The following PPAT variants were observed in gnomAD, a reference collection of about 807,000 sequenced individuals.
PPAT encodes the protein phosphoribosyl pyrophosphate amidotransferase.
Under a neutral mutation model 60.2 loss-of-function variants are expected in PPAT, and 20 were observed. That is an observed-to-expected ratio of 0.33 (90% confidence interval 0.23 to 0.48). PPAT has a LOEUF of 0.48. Among genes scored for constraint, PPAT ranks in the 20% least tolerant of loss-of-function variants. PPAT has a pLI of 0.99. For missense variants in PPAT, 349 were observed against 629.6 expected (o/e 0.55, Z 4.77); for synonymous variants, 194 against 215.1 (o/e 0.90, Z 0.86).
chr4:56,407,981 T>A (rs1301517005), intron 1 of PPAT: 1 of 341,262 alleles, frequency 2.9e-6, no homozygotes, highest in African/African-American at 2.1e-5. Context: ...GTTGTAAAAA[T>A]AAATAATTTA....
intron 1 of PPAT, among the ~76,000 whole-genome samples, chr4:56,411,742 CAA>C (rs1227975086): frequency 1.3e-5 from 2 of 152,070 alleles, no homozygotes; most frequent in Non-Finnish European, 2.9e-5. Flanking sequence ...TGCGAAACCT[CAA>C]AAAGGACAGA....
At chr4:56,434,380 T>C (rs1717781071) in intron 1 of PPAT, among the ~76,000 whole-genome samples, 2 of 152,266 alleles carry the variant, frequency 1.3e-5, no homozygotes, top group Non-Finnish European at 2.9e-5. Context: ...AACTGTAGTG[T>C]AAGTTGTTAC....
chr4:56,401,439 G>T lies in PPAT; in HGVS notation c.777C>A (p.Ser259=). 1 of 1,604,674 alleles carries T rather than the reference G, an allele frequency of 6.2e-7. No homozygotes were observed. Among genetic ancestry groups the T allele is most frequent in the Non-Finnish European group, 8.5e-7 (1 of 1,174,334 alleles). ...TATCAAGAGTTTGGACATTGTGTCT[G>T]GATATTTCCACAATTTCTCCAGGCA... ...EVLPGEIVEI[S]RHNVQTLDII... Residue 259 remains serine (S), a synonymous_variant, in exon 7 of 11, where the codon TCC becomes TCA. Transcript: ENST00000264220.
rs1223623493 is a variant in PPAT at position 56,435,586 on chromosome 4, T to C, written c.-109A>G. Reference sequence around the variant, plus strand: ...TCAGAAGCTCGCGCTCGCGACAGGCTCTTCCTTCCCGAGGGTGGCCCCAGC... The same window carrying C: ...TCAGAAGCTCGCGCTCGCGACAGGCCCTTCCTTCCCGAGGGTGGCCCCAGC... On this transcript the variant is annotated 5_prime_UTR_variant, in exon 1 of 11. Transcript: ENST00000264220. 8 of 1,568,780 alleles carry C rather than the reference T, an allele frequency of 5.1e-6. No homozygotes were observed. The highest frequency in any genetic ancestry group is 2.3e-4 in the Middle Eastern group (1 of 4,284).
chr4:56,433,800 T>C (rs111915669), intron 1 of PPAT, among the ~76,000 whole-genome samples: 12,646 of 152,010 alleles, frequency 0.083, 714 homozygotes, highest in East Asian at 0.27. Context: ...GTTCAAGCGA[T>C]TCTCCTGCCT....
At chr4:56,426,695 T>C (rs1376772738) in intron 1 of PPAT, among the ~76,000 whole-genome samples, 1 of 152,246 alleles carries the variant, frequency 6.6e-6, no homozygotes, top group Non-Finnish European at 1.5e-5. Flanking sequence ...TTTGGGTCAC[T>C]GCCATTTTCT....
chr4:56,426,131 G>A (rs184269886), intron 1 of PPAT, among the ~76,000 whole-genome samples: 6 of 152,234 alleles, frequency 3.9e-5, no homozygotes, highest in East Asian at 1.9e-4. Context: ...TGCCAGGCAC[G>A]GTGGCTAACG....
intron 1 of PPAT, among the ~76,000 whole-genome samples, chr4:56,425,143 T>C (rs1292394886): frequency 6.6e-6 from 1 of 152,216 alleles, no homozygotes; most frequent in Non-Finnish European, 1.5e-5. Context: ...GAATCTACTG[T>C]TACCATCTCA....
intron 2 of PPAT, 61 bp from the exon 3 acceptor site, chr4:56,406,762 C>T: frequency 8.6e-7 from 1 of 1,162,564 alleles, no homozygotes; most frequent in Non-Finnish European, 1.3e-6. Flanking sequence ...GTAATAAACG[C>T]CTCTCTTCTC....
At chr4:56,399,038 C>CA (rs1716051745) in intron 9 of PPAT, 141 bp downstream of exon 9, 2 of 668,392 alleles carry the variant, frequency 3.0e-6, no homozygotes, top group Non-Finnish European at 5.1e-6. Context: ...AGTTGCTACA[C>CA]AGTTATTCCT....
chr4:56,435,526 A>G lies in PPAT; in HGVS notation c.-49T>C. 1 of 1,611,854 alleles carries G rather than the reference A, an allele frequency of 6.2e-7. No homozygotes were observed. On this transcript the variant is annotated 5_prime_UTR_variant, in exon 1 of 11. Coordinates refer to ENST00000264220, the MANE Select transcript of PPAT (RefSeq NM_002703.5). ...GGACCTGCCGCTGCGGCCAAGGTGTAAGCACCAACCAGCTGCCAGCTCGGC... is the reference window on the plus strand; with the variant it reads ...GGACCTGCCGCTGCGGCCAAGGTGTGAGCACCAACCAGCTGCCAGCTCGGC...
chr4:56,405,195 AGTT>A (rs1386281512), intron 3 of PPAT, among the ~76,000 whole-genome samples: 2 of 152,106 alleles, frequency 1.3e-5, no homozygotes, highest in African/African-American at 4.8e-5. Flanking sequence ...GTGAACCAAG[AGTT>A]TAAGTAAACA....
chr4:56,435,562 C>T lies in PPAT; in HGVS notation c.-85G>A, dbSNP rs1717865027. On this transcript the variant is annotated 5_prime_UTR_variant, in exon 1 of 11. Transcript: ENST00000264220. ...AGCTGCCAGCTCGGCCCGTCGAGCT[C>T]AGAAGCTCGCGCTCGCGACAGGCTC... 3 of 1,597,248 alleles carry T rather than the reference C, an allele frequency of 1.9e-6. No homozygotes were observed. The highest frequency in any genetic ancestry group is 2.2e-5 in the East Asian group (1 of 44,738).
intron 1 of PPAT, chr4:56,423,080 C>CA (rs1376444512): frequency 6.6e-6 from 1 of 152,148 alleles, no homozygotes; most frequent in African/African-American, 2.4e-5. Flanking sequence ...CTACACAAAC[C>CA]AAAACTGGGG....
intron 8 of PPAT, 103 bp from the exon 9 acceptor site, chr4:56,399,503 A>C (rs1382718357): frequency 1.1e-6 from 1 of 947,308 alleles, no homozygotes; most frequent in Non-Finnish European, 1.5e-6. Flanking sequence ...AAAATTTCAA[A>C]ATAATTTTCC....
intron 1 of PPAT, chr4:56,410,993 T>C (rs1403912406): frequency 5.9e-6 from 5 of 841,040 alleles, no homozygotes; most frequent in African/African-American, 1.8e-5. Flanking sequence ...AGGACTTCTG[T>C]GGCCATATGA....
At chr4:56,412,298 T>G (rs1345857027) in intron 1 of PPAT, among the ~76,000 whole-genome samples, 1 of 151,318 alleles carries the variant, frequency 6.6e-6, no homozygotes, top group Non-Finnish European at 1.5e-5. Flanking sequence ...AACTCTCTAT[T>G]CTCCCATCAC....
At chr4:56,421,720 A>G (rs1398998573) in intron 1 of PPAT, 1 of 152,362 alleles carries the variant, frequency 6.6e-6, no homozygotes, top group East Asian at 1.9e-4. Context: ...CTGGTATGCT[A>G]GAGAACTATA....
chr4:56,424,423 T>A (rs147592479), intron 1 of PPAT, among the ~76,000 whole-genome samples: 57 of 152,276 alleles, frequency 3.7e-4, no homozygotes, highest in Middle Eastern at 3.4e-3. Flanking sequence ...GAGGACTGAT[T>A]CACACAGAAG....
Sources: allele counts gnomAD v4.1 joint callset (sites outside exome capture counted in the v4.1 genomes callset), GRCh38; gene constraint gnomAD v4.1.1; transcripts MANE v1.5; gene names NCBI Gene and HGNC (gene_info 2026-07-23, HGNC 2026-07-21).